Variants in GPC5 observed in about 807,000 individuals in gnomAD.
GPC5 encodes the protein glypican 5, also known as glypican-5.
A neutral mutation model predicts 53.9 loss-of-function variants in GPC5; 47 were observed. The ratio of observed to expected loss-of-function variants is 0.87; its 90% CI spans 0.69 to 1.11. The LOEUF (loss-of-function observed/expected upper bound fraction) is 1.11. Among genes scored for constraint, GPC5 ranks in the 50% most tolerant of loss-of-function variants. The pLI is 0.00. For synonymous variants in GPC5, 286 were observed against 263.3 expected, an observed-to-expected ratio of 1.09 and a Z score of -0.84; for missense variants, 748 against 713.1, an observed-to-expected ratio of 1.05 and a Z score of -0.56.
At position 92,456,558 on chromosome 13, in the gene GPC5, G is replaced by A. The variant is rs559628616; in HGVS notation, c.1561+311569G>A. ...GCAAAATGAAAATTTGGAACTCCTT[G>A]TTCAACACTACTAAGAATTTCTAGA... On this transcript the variant is annotated intron_variant, in intron 7 of 7. Coordinates refer to ENST00000377067, the MANE Select transcript of GPC5 (RefSeq NM_004466.6). Among the ~76,000 whole-genome samples, 377 of 152,222 alleles carry A rather than the reference G, an allele frequency of 2.5e-3. 3 individuals carry two copies. Among genetic ancestry groups the A allele is most frequent in the African/African-American group, 8.7e-3 (363 of 41,558 alleles).
intron 7 of GPC5, among the ~76,000 whole-genome samples, chr13:92,146,177 G>A (rs1382509436): frequency 1.3e-5 from 2 of 152,118 alleles, no homozygotes; most frequent in Non-Finnish European, 2.9e-5. Context: ...CTTAGTGCTA[G>A]TTAAATATAT....
At chr13:92,494,810 A>G (rs1386624913) in intron 7 of GPC5, among the ~76,000 whole-genome samples, 3 of 152,222 alleles carry the variant, frequency 2.0e-5, no homozygotes, top group Non-Finnish European at 4.4e-5. Context: ...CCTGGTATTC[A>G]GGATTTAATC....
chr13:92,257,217 A>G (rs1594042406), intron 7 of GPC5, among the ~76,000 whole-genome samples: 2 of 152,270 alleles, frequency 1.3e-5, no homozygotes, highest in African/African-American at 4.8e-5. Flanking sequence ...GATAGGCAAT[A>G]TCTGTTCATA....
At chr13:92,544,320 T>A (rs953803543) in intron 7 of GPC5, among the ~76,000 whole-genome samples, 1 of 152,132 alleles carries the variant, frequency 6.6e-6, no homozygotes, top group African/African-American at 2.4e-5. Flanking sequence ...GGAAATACAT[T>A]GGCATTTAAT....
chr13:91,571,205 G>T (rs1035841863), intron 2 of GPC5, among the ~76,000 whole-genome samples: 1 of 151,982 alleles, frequency 6.6e-6, no homozygotes, highest in Non-Finnish European at 1.5e-5. Flanking sequence ...TTAATAATTT[G>T]TATGCAAGTA....
At chr13:92,209,378 A>G (rs1418453677) in intron 7 of GPC5, among the ~76,000 whole-genome samples, 10 of 152,196 alleles carry the variant, frequency 6.6e-5, no homozygotes, top group Non-Finnish European at 1.5e-4. Context: ...TAGAAAGAAA[A>G]GGGTGGTTAT....
At chr13:92,304,684 A>ACG (rs1555327097) in intron 7 of GPC5, among the ~76,000 whole-genome samples, 1 of 151,948 alleles carries the variant, frequency 6.6e-6, no homozygotes, top group African/African-American at 2.4e-5. Context: ...TGTAAGTTAA[A>ACG]TATTTCACCT....
At chr13:92,415,787 G>A (rs554576169) in intron 7 of GPC5, among the ~76,000 whole-genome samples, 14 of 152,144 alleles carry the variant, frequency 9.2e-5, no homozygotes, top group South Asian at 4.1e-4. Flanking sequence ...GGCCTGAGGG[G>A]CTTTGATCAT....
intron 7 of GPC5, among the ~76,000 whole-genome samples, chr13:92,743,515 A>G (rs896223898): frequency 6.6e-6 from 1 of 152,134 alleles, no homozygotes; most frequent in African/African-American, 2.4e-5. Context: ...TAGATATACA[A>G]TCATGTCATC....
At chr13:91,778,679 G>A (rs1165931798) in intron 5 of GPC5, among the ~76,000 whole-genome samples, 1 of 152,160 alleles carries the variant, frequency 6.6e-6, no homozygotes, top group Non-Finnish European at 1.5e-5. Context: ...CTACCTGTGT[G>A]TCTCCAACCT....
intron 7 of GPC5, among the ~76,000 whole-genome samples, chr13:92,642,032 T>C (rs910196218): frequency 6.6e-6 from 1 of 152,166 alleles, no homozygotes; most frequent in African/African-American, 2.4e-5. Flanking sequence ...ACACATAGTC[T>C]CATTTTCACT....
intron 6 of GPC5, among the ~76,000 whole-genome samples, chr13:92,060,181 AC>A (rs2041111392): frequency 6.6e-6 from 1 of 151,938 alleles, no homozygotes; most frequent in African/African-American, 2.4e-5. Flanking sequence ...AAAGTCCTAT[AC>A]AAAGAAGCTT....
intron 7 of GPC5, among the ~76,000 whole-genome samples, chr13:92,782,305 T>C (rs772492506): frequency 6.6e-6 from 1 of 152,188 alleles, no homozygotes; most frequent in African/African-American, 2.4e-5. Context: ...ATGTACATTA[T>C]ATAATTAAGG....
intron 6 of GPC5, among the ~76,000 whole-genome samples, chr13:92,139,623 C>A (rs1025414978): frequency 7.1e-6 from 1 of 141,644 alleles, no homozygotes; most frequent in African/African-American, 2.7e-5. Context: ...GCCAAGACTG[C>A]GCCATTGCTT....
chr13:91,657,881 A>T (rs1215211286), intron 2 of GPC5, among the ~76,000 whole-genome samples: 1 of 152,188 alleles, frequency 6.6e-6, no homozygotes. Context: ...ATTTAAAAAA[A>T]TACATTTGTT....
At chr13:91,712,663 C>T (rs459963) in intron 3 of GPC5, among the ~76,000 whole-genome samples, 5,974 of 152,164 alleles carry the variant, frequency 0.039, 156 homozygotes, top group Middle Eastern at 0.12. Context: ...TTCCACCCCA[C>T]GGCCTGGTGT....
chr13:92,351,758 A>G (rs974237909), intron 7 of GPC5, among the ~76,000 whole-genome samples: 3 of 152,182 alleles, frequency 2.0e-5, no homozygotes, highest in Non-Finnish European at 4.4e-5. Context: ...ATAACTTAAA[A>G]TTGTATGAGA....
chr13:92,519,817 T>TG (rs1160758334), intron 7 of GPC5, among the ~76,000 whole-genome samples: 1 of 151,954 alleles, frequency 6.6e-6, no homozygotes. Context: ...AAAAAACCCT[T>TG]CAAAAAATCA....
chr13:92,447,082 TTG>T (rs1877859107), intron 7 of GPC5: 1 of 152,162 alleles, frequency 6.6e-6, no homozygotes, highest in South Asian at 2.1e-4. Flanking sequence ...TTCTATGGGT[TTG>T]TCTCTTTACT....
Sources: gnomAD v4.1 joint callset for allele counts (sites outside exome capture counted in the v4.1 genomes callset) on GRCh38, gnomAD v4.1.1 for gene constraint, MANE v1.5 for transcripts, NCBI Gene and HGNC (gene_info 2026-07-23, HGNC 2026-07-21) for gene names.